CCDC81: variants seen among roughly 807,000 people sequenced by gnomAD.
The protein encoded by CCDC81 is coiled-coil domain containing 81.
CCDC81 carries 79 observed loss-of-function variants against 83.7 expected under a neutral mutation model. The observed-to-expected ratio is 0.94, with a 90% CI of 0.79 to 1.14. The LOEUF (loss-of-function observed/expected upper bound fraction) is 1.14. CCDC81 is among the 50% of genes most tolerant of loss of function. The pLI is 0.00. For missense variants in CCDC81, 791 were observed against 778.1 expected (o/e 1.02, Z -0.20); for synonymous variants, 252 against 278.1 (o/e 0.91, Z 0.93).
rs906473507 is a variant in CCDC81 at position 86,375,109 on chromosome 11, A to T, written c.-55A>T. ...AAAATTATTTTTGTGCACATTCCAT[A>T]TAAGAAAGAAGAGACCCATCGAACA... On this transcript the variant is annotated 5_prime_UTR_variant, in exon 1 of 15. Coordinates refer to ENST00000445632, the MANE Select transcript of CCDC81 (RefSeq NM_001156474.2). The T allele has an allele frequency of 4.8e-6, 7 of 1,450,106 alleles. No homozygotes were observed. In the South Asian group the frequency reaches 8.0e-5, roughly 17 times the overall value. 89.8% of individuals were successfully genotyped at this position (1,450,106 alleles called of 1,614,324 possible).
chr11:86,379,338 C>T (rs1185592178), intron 1 of CCDC81, among the ~76,000 whole-genome samples: 5 of 152,012 alleles, frequency 3.3e-5, no homozygotes, highest in Non-Finnish European at 7.4e-5. Context: ...CCTTGTGATC[C>T]GCCTACCCCA....
At chr11:86,382,019 C>A (rs1167000634) in intron 1 of CCDC81, among the ~76,000 whole-genome samples, 25 of 152,100 alleles carry the variant, frequency 1.6e-4, no homozygotes, top group African/African-American at 4.8e-4. Context: ...AGTTGACTGG[C>A]TGCTCTGTAG....
At chr11:86,405,595 T>G (rs17149045) in intron 7 of CCDC81, among the ~76,000 whole-genome samples, 2,333 of 152,306 alleles carry the variant, frequency 0.015, 73 homozygotes, top group African/African-American at 0.052. Flanking sequence ...TTGACCATGT[T>G]TCTTCAGTAT....
At chr11:86,394,410 G>A (rs1351515265) in intron 4 of CCDC81, among the ~76,000 whole-genome samples, 2 of 152,220 alleles carry the variant, frequency 1.3e-5, no homozygotes, top group East Asian at 3.8e-4. Context: ...GCATGTTAAA[G>A]GAGCTGAGAA....
At chr11:86,378,686 T>A (rs292111) in intron 1 of CCDC81, among the ~76,000 whole-genome samples, 33,196 of 152,132 alleles carry the variant, frequency 0.22, 3,786 homozygotes, top group South Asian at 0.29. Flanking sequence ...AATTCTTAGG[T>A]CTTCTTGAAA....
chr11:86,404,576 C>T (rs2138526096), intron 7 of CCDC81, among the ~76,000 whole-genome samples: 1 of 152,284 alleles, frequency 6.6e-6, no homozygotes, highest in East Asian at 1.9e-4. Context: ...TGGAAATAAG[C>T]TGCCACATAA....
At chr11:86,407,533 C>T (rs1185823614) in intron 7 of CCDC81, 81 bp from the exon 8 acceptor site, 1 of 904,660 alleles carries the variant, frequency 1.1e-6, no homozygotes, top group African/African-American at 1.7e-5. Context: ...TTTTCTTCAT[C>T]TTATACTTGC....
At chr11:86,375,720 C>A (rs1948090357) in intron 1 of CCDC81, among the ~76,000 whole-genome samples, 1 of 152,126 alleles carries the variant, frequency 6.6e-6, no homozygotes, top group Non-Finnish European at 1.5e-5. Context: ...GGAAGGGGAC[C>A]TGGCACCTTC....
chr11:86,390,103 C>G (rs1593914599), intron 3 of CCDC81, among the ~76,000 whole-genome samples: 1 of 151,506 alleles, frequency 6.6e-6, no homozygotes, highest in East Asian at 1.9e-4. Context: ...GACTCCATCT[C>G]AAGAAAAAAA....
At chr11:86,388,758 A>C (rs564584432) in intron 3 of CCDC81, among the ~76,000 whole-genome samples, 1 of 152,226 alleles carries the variant, frequency 6.6e-6, no homozygotes, top group East Asian at 1.9e-4. Context: ...AAATACCTAG[A>C]GTTTTATGTC....
At chr11:86,381,582 G>A (rs1246787047) in intron 1 of CCDC81, among the ~76,000 whole-genome samples, 3 of 152,166 alleles carry the variant, frequency 2.0e-5, no homozygotes, top group Non-Finnish European at 4.4e-5. Flanking sequence ...TCTTGATGCT[G>A]TTTCTGCATG....
intron 13 of CCDC81, among the ~76,000 whole-genome samples, chr11:86,417,254 T>TTAATAATC (rs1469742956): frequency 1.4e-5 from 2 of 140,822 alleles, no homozygotes; most frequent in Non-Finnish European, 3.1e-5. Flanking sequence ...AAAAAAAAGG[T>TTAATAATC]TAATAATCTC....
chr11:86,382,963 G>C (rs1376946), intron 1 of CCDC81, among the ~76,000 whole-genome samples: 94,198 of 152,072 alleles, frequency 0.62, 29,771 homozygotes, highest in African/African-American at 0.73. Flanking sequence ...GAGCTGAAGT[G>C]AAAGTCAAAC....
At chr11:86,394,279 C>T (rs1044226602) in intron 4 of CCDC81, among the ~76,000 whole-genome samples, 2 of 152,122 alleles carry the variant, frequency 1.3e-5, no homozygotes, top group Non-Finnish European at 2.9e-5. Flanking sequence ...TTTTACAGAA[C>T]GTTTTCCAAA....
intron 1 of CCDC81, among the ~76,000 whole-genome samples, chr11:86,377,968 C>CTTTGTTTTTTTTTTT (rs1948120605): frequency 1.4e-5 from 1 of 73,350 alleles, no homozygotes; most frequent in African/African-American, 5.2e-5. Context: ...TGCCTAGGTT[C>CTTTGTTTTTTTTTTT]TTTTTTTTTT....
intron 8 of CCDC81, 109 bp downstream of exon 8, chr11:86,407,810 G>A: frequency 1.3e-6 from 1 of 776,230 alleles, no homozygotes; most frequent in Non-Finnish European, 2.1e-6. Context: ...TATGGCTCAA[G>A]TACTCAAGTA....
Position 86,414,841 on chromosome 11 carries a change from T to C in CCDC81, c.1444T>C (p.Cys482Arg). The C allele has an allele frequency of 6.2e-7, 1 of 1,611,258 alleles. No individual in the cohort carries two copies. Among genetic ancestry groups the C allele is most frequent in the Non-Finnish European group, 8.5e-7 (1 of 1,179,354 alleles). ...AAAAGATAAGATGGAAGAAACACAG[T>C]GTTACAAGAGAGCTTTGGATGCACA... ...FLKDKMEETQ[C>R]YKRALDAQIK... Residue 482 changes from cysteine to arginine, a missense_variant, in exon 12 of 15, where the codon TGT (cysteine) becomes CGT (arginine). Transcript: ENST00000445632.
chr11:86,382,660 G>C (rs954762263), intron 1 of CCDC81, among the ~76,000 whole-genome samples: 4 of 152,114 alleles, frequency 2.6e-5, no homozygotes, highest in African/African-American at 4.8e-5. Context: ...CCTGAGTGTG[G>C]GTGTGACTGC....
At chr11:86,392,885 G>T in intron 4 of CCDC81, 88 bp downstream of exon 4, 2 of 1,408,796 alleles carry the variant, frequency 1.4e-6, no homozygotes, top group African/African-American at 1.5e-5. Context: ...AAAAACGAAG[G>T]TTGACATATT....
Sources: allele counts gnomAD v4.1 joint callset (sites outside exome capture counted in the v4.1 genomes callset), GRCh38; gene constraint gnomAD v4.1.1; transcripts MANE v1.5; gene names NCBI Gene and HGNC (gene_info 2026-07-23, HGNC 2026-07-21).